LRRC24: variants seen among roughly 807,000 people sequenced by gnomAD.
The protein encoded by LRRC24 is leucine rich repeat containing 24, also known as leucine-rich repeat-containing protein 24.
A neutral mutation model predicts 15.3 loss-of-function variants in LRRC24; 19 were observed. The ratio of observed to expected loss-of-function variants is 1.25; its 90% CI spans 0.87 to 1.83. LRRC24 has a LOEUF of 1.83. Ranked by LOEUF, LRRC24 falls within the 40% of genes most tolerant of loss-of-function variation. The pLI is 0.00. For synonymous variants in LRRC24, 469 were observed against 359.6 expected, an observed-to-expected ratio of 1.30 and a Z score of -3.44; for missense variants, 914 against 723.9, an observed-to-expected ratio of 1.26 and a Z score of -3.01.
rs764602638 is a variant in LRRC24 at position 144,522,689 on chromosome 8, G to A, written c.1328C>T (p.Ala443Val). Residue 443 changes from alanine to valine, a missense_variant, in exon 5 of 5, where the codon GCG becomes GTG. Physicochemically the swap from Ala to Val is moderately conservative, Grantham distance 64. Coordinates refer to ENST00000529415, the MANE Select transcript of LRRC24 (RefSeq NM_001024678.4). ...GTCCAAGTAGTCGTTGACGAACAGCGCTCCCTCCCCCGGAGGCCCCCGCGC... is the reference window on the plus strand; with the variant it reads ...GTCCAAGTAGTCGTTGACGAACAGCACTCCCTCCCCCGGAGGCCCCCGCGC... ...KKARGPPGEGALFVNDYLDGP... is the reference protein window; with the variant it reads ...KKARGPPGEGVLFVNDYLDGP... 101 of 1,596,230 alleles carry A rather than the reference G, an allele frequency of 6.3e-5. No individual in the cohort carries two copies. Among genetic ancestry groups the A allele is most frequent in the Non-Finnish European group, 8.3e-5 (97 of 1,172,666 alleles).
rs754663390 is a variant in LRRC24, at chr8:144,523,199, A to G, written c.818T>C (p.Leu273Pro). The change falls in exon 5 of 5, where the codon CTG (leucine) becomes CCG (proline). Residue 273 changes from leucine (L) to proline (P), a missense_variant. Physicochemically the swap from Leu to Pro is moderately conservative, Grantham distance 98 (BLOSUM62 -3). Transcript: ENST00000529415. ...GCAGGCAACCCGCAGGTCCTCACCC[A>G]GGTTGGCTGTGAGCTCCAGCGGCTG... ...HVQPLELTAN[L>P]GEDLRVACQA... 3 of 1,609,654 alleles carry G rather than the reference A, an allele frequency of 1.9e-6. No individual in the cohort carries two copies. The highest frequency in any genetic ancestry group is 2.5e-6 in the Non-Finnish European group (3 of 1,178,650).
chr8:144,522,892 C>A lies in LRRC24; in HGVS notation c.1125G>T (p.Pro375=). ...CGGCGGGGCGGGCGGCCGGAGGCGG[C>A]GGTTGCGCGGGCTGCTGCGGCTGCT... ...SRQQPQQPAQ[P]PPPAARPAGS... Residue 375 remains proline (P), a synonymous_variant, in exon 5 of 5, where the codon CCG becomes CCT. Coordinates refer to ENST00000529415, the MANE Select transcript of LRRC24 (RefSeq NM_001024678.4). The A allele has an allele frequency of 1.6e-6, 2 of 1,284,582 alleles. No individual in the cohort carries two copies. The highest frequency in any genetic ancestry group is 2.0e-6 in the Non-Finnish European group (2 of 1,022,692). The allele number at this position is 1,284,582 out of a possible 1,614,324, so 79.6% of individuals were successfully genotyped here.
chr8:144,522,557 G>C lies in LRRC24; in HGVS notation c.1460C>G (p.Ala487Gly). Residue 487 changes from alanine to glycine, a missense_variant, in exon 5 of 5, where the codon GCG (alanine) becomes GGG (glycine). Ala to Gly is a moderately conservative substitution (Grantham distance 60, BLOSUM62 0). Transcript: ENST00000529415. ...KPLFAEGPAE[A>G]PADCGPEQGA... Reference sequence around the variant, plus strand: ...CTGTTCCGGGCCGCAGTCAGCGGGCGCCTCCGCCGGACCCTCGGCGAAGAG... The same window carrying C: ...CTGTTCCGGGCCGCAGTCAGCGGGCCCCTCCGCCGGACCCTCGGCGAAGAG... 1.6e-5 allele frequency: 24 copies of C among 1,538,904 alleles called. No individual in the cohort carries two copies. The highest frequency in any genetic ancestry group is 1.8e-5 in the Non-Finnish European group (21 of 1,145,452).
At chr8:144,526,165 A>G (rs1378802400) in intron 1 of LRRC24, 1 of 152,244 alleles carries the variant, frequency 6.6e-6, no homozygotes, top group Non-Finnish European at 1.5e-5. Context: ...CTTGGTGTTT[A>G]AATCTTGCCC....
chr8:144,524,794 C>CG, intron 2 of LRRC24, 22 bp downstream of exon 2: 1 of 1,439,916 alleles, frequency 6.9e-7, no homozygotes, highest in Non-Finnish European at 9.1e-7. Flanking sequence ...CCCGTCCTCC[C>CG]GCAGCTCCAC....
At chr8:144,524,375 A>G (rs1214722481) in intron 3 of LRRC24, 66 bp downstream of exon 3, 11 of 1,594,042 alleles carry the variant, frequency 6.9e-6, no homozygotes, top group African/African-American at 2.7e-5. Context: ...TTTTCTAACT[A>G]TTCCAGCCCT....
Position 144,522,744 on chromosome 8 carries a change from T to A in LRRC24, c.1273A>T (p.Ile425Phe), listed in dbSNP as rs1816165659. ...ALTALLLVAM[I>F]CRRRRRRKKA... ...TTTCGCCTGCGGCGCCGGCGACAGA[T>A]CATGGCGACCAGGAGCAGCGCCGTG... Residue 425 changes from isoleucine (I) to phenylalanine (F), a missense_variant, in exon 5 of 5, where the codon ATC (isoleucine) becomes TTC (phenylalanine). Coordinates refer to ENST00000529415, the MANE Select transcript of LRRC24 (RefSeq NM_001024678.4). The A allele has an allele frequency of 6.3e-7, 1 of 1,588,212 alleles. No individual in the cohort carries two copies. The highest frequency in any genetic ancestry group is 1.4e-5 in the African/African-American group (1 of 73,404).
In LRRC24 at chr8:144,524,552, C is replaced by T. The variant is rs1422584360; in HGVS notation, c.327G>A (p.Arg109=). Residue 109 remains arginine, a synonymous_variant, in exon 3 of 5, where the codon CGG becomes CGA. Coordinates refer to ENST00000529415, the MANE Select transcript of LRRC24 (RefSeq NM_001024678.4). ...AGGCGCCGCTGCGCAAGCCGCGCAG[C>T]CGGTTGCTAGTGAGCGCCAGCTCCA... ...RLLELALTSN[R]LRGLRSGAFV... 2 of 1,578,360 alleles carry T rather than the reference C, an allele frequency of 1.3e-6. No homozygotes were observed. The highest frequency in any genetic ancestry group is 2.2e-5 in the South Asian group (2 of 89,058).
Position 144,522,496 on chromosome 8 carries a change from GAC to G in LRRC24, c.1519_1520del (p.Val507ArgfsTer14). The G allele has an allele frequency of 6.7e-7, 1 of 1,495,848 alleles. No individual in the cohort carries two copies. The allele number at this position is 1,495,848 out of a possible 1,614,324, so 92.7% of individuals were successfully genotyped here. A position where few individuals can be genotyped will look rare whatever the true frequency, so the allele number is the denominator to read the frequency against. On this transcript the variant is annotated frameshift_variant, in exon 5 of 5. Transcript: ENST00000529415. LOFTEE classifies it high-confidence loss of function. ...GGCCCTAGCAGTGGATCTCGTAGGC[GAC>G]CGGCGGGGGCACGCGGAGTCCCGGC... ...AGPGLRVPPPVAYEIHC is the reference protein window; with the variant it reads ...AGPGLRVPPPXAYEIHC
In LRRC24 at chr8:144,522,706, C is replaced by T. The variant is rs771142950; in HGVS notation, c.1311G>A (p.Gly437=). The T allele has an allele frequency of 4.4e-6, 7 of 1,596,572 alleles. No homozygotes were observed. Among genetic ancestry groups the T allele is most frequent in the East Asian group, 2.3e-5 (1 of 43,606 alleles). The change falls in exon 5 of 5, where the codon GGG becomes GGA. Residue 437 remains glycine, a synonymous_variant. Coordinates refer to ENST00000529415, the MANE Select transcript of LRRC24 (RefSeq NM_001024678.4). ...RRRRRRKKAR[G]PPGEGALFVN... is the part of the protein sequence containing the mutation. ...CGAACAGCGCTCCCTCCCCCGGAGG[C>T]CCCCGCGCCTTTTTTCGCCTGCGGC...
At position 144,522,757 on chromosome 8, in the gene LRRC24, G is replaced by A; in HGVS notation, c.1260C>T (p.Leu420=). Residue 420 remains leucine, a synonymous_variant, in exon 5 of 5, where the codon CTC becomes CTT. Transcript: ENST00000529415. The part of the protein sequence containing the change: ...AIALLALTAL[L]LVAMICRRRR... The stretch of plus-strand genomic sequence containing the variant: ...GCCGGCGACAGATCATGGCGACCAG[G>A]AGCAGCGCCGTGAGCGCCAGCAGCG... 3.2e-6 allele frequency: 5 copies of A among 1,579,520 alleles called. No homozygotes were observed. Among genetic ancestry groups the A allele is most frequent in the Non-Finnish European group, 4.3e-6 (5 of 1,165,478 alleles).
At chr8:144,526,352 TAA>T (rs1816359367) in intron 1 of LRRC24, 1 of 152,204 alleles carries the variant, frequency 6.6e-6, no homozygotes, top group Non-Finnish European at 1.5e-5. Flanking sequence ...CCCCTGGGTA[TAA>T]AGTGTTGGTA....
chr8:144,524,518 G>T lies in LRRC24; in HGVS notation c.361C>A (p.Leu121Met). ...AGGTAGAGCACGCGCAGCTGGGCCAGGCCTACGAAGGCGCCGCTGCGCAAG... is the reference window on the plus strand; with the variant it reads ...AGGTAGAGCACGCGCAGCTGGGCCATGCCTACGAAGGCGCCGCTGCGCAAG... The part of the protein sequence containing the change: ...RGLRSGAFVG[L>M]AQLRVLYLAG... The change falls in exon 3 of 5, where the codon CTG becomes ATG. Residue 121 changes from leucine (L) to methionine (M), a missense_variant. Leu to Met is a conservative substitution (Grantham distance 15). Coordinates refer to ENST00000529415, the MANE Select transcript of LRRC24 (RefSeq NM_001024678.4). 1 of 1,593,134 alleles carries T rather than the reference G, an allele frequency of 6.3e-7. No homozygotes were observed. Among genetic ancestry groups the T allele is most frequent in the South Asian group, 1.1e-5 (1 of 90,498 alleles).
At chr8:144,523,773 C>T in intron 4 of LRRC24, 1 of 414,408 alleles carries the variant, frequency 2.4e-6, no homozygotes, top group Non-Finnish European at 4.3e-6. Flanking sequence ...TCAGCCTTGC[C>T]TTTGGATGCC....
At position 144,522,675 on chromosome 8, in the gene LRRC24, C is replaced by A; in HGVS notation, c.1342G>T (p.Asp448Tyr). ...PPGEGALFVN[D>Y]YLDGPCTFAQ... The stretch of plus-strand genomic sequence containing the variant: ...AACGTACAGGGGCCGTCCAAGTAGT[C>A]GTTGACGAACAGCGCTCCCTCCCCC... Residue 448 changes from aspartate to tyrosine, a missense_variant, in exon 5 of 5, where the codon GAC becomes TAC. By Grantham distance (160) the Asp-to-Tyr change is radical (BLOSUM62 -3). Transcript: ENST00000529415. 6.3e-7 allele frequency: 1 copy of A among 1,596,304 alleles called. No individual in the cohort carries two copies. Among genetic ancestry groups the A allele is most frequent in the Non-Finnish European group, 8.5e-7 (1 of 1,172,686 alleles).
rs906030633 is a variant in LRRC24 at position 144,522,867 on chromosome 8, C to T, written c.1150G>A (p.Gly384Ser). The T allele has an allele frequency of 9.5e-6, 12 of 1,267,128 alleles. No individual in the cohort carries two copies. Among genetic ancestry groups the T allele is most frequent in the Admixed American group, 8.5e-5 (2 of 23,582 alleles). 78.5% of individuals were successfully genotyped at this position (1,267,128 alleles called of 1,614,324 possible). The change falls in exon 5 of 5, where the codon GGC (glycine) becomes AGC (serine). Residue 384 changes from glycine (G) to serine (S), a missense_variant. Transcript: ENST00000529415. ...QPPPPAARPA[G>S]SEPRPEAGSM... is the part of the protein sequence containing the mutation. ...CCCGCCTCGGGCCGGGGCTCGCTGC[C>T]GGCGGGGCGGGCGGCCGGAGGCGGC...
At position 144,522,649 on chromosome 8, in the gene LRRC24, G is replaced by C; in HGVS notation, c.1368C>G (p.Phe456Leu). 6.3e-7 allele frequency: 1 copy of C among 1,586,622 alleles called. No individual in the cohort carries two copies. Among genetic ancestry groups the C allele is most frequent in the Non-Finnish European group, 8.6e-7 (1 of 1,168,532 alleles). The change falls in exon 5 of 5, where the codon TTC becomes TTG. Residue 456 changes from phenylalanine (F) to leucine (L), a missense_variant. Transcript: ENST00000529415. ...CGTCGCGGAGCTCCTCTAGCTGTGC[G>C]AACGTACAGGGGCCGTCCAAGTAGT... is the stretch of plus-strand genomic sequence containing the variant. Reference protein sequence around the residue: ...VNDYLDGPCTFAQLEELRDER... With the variant: ...VNDYLDGPCTLAQLEELRDER...
chr8:144,524,759 G>A, intron 2 of LRRC24, 40 bp from the exon 3 acceptor site: 8 of 1,434,324 alleles, frequency 5.6e-6, no homozygotes, highest in Non-Finnish European at 7.3e-6. Flanking sequence ...CCCCGTTGCG[G>A]GGGTCTTCCT....
At chr8:144,526,482 T>C (rs1383223272) in intron 1 of LRRC24, 1 of 152,188 alleles carries the variant, frequency 6.6e-6, no homozygotes, top group African/African-American at 2.4e-5. Context: ...TAGATGCAGA[T>C]CGGTGTAGAA....
Sources: gnomAD v4.1 joint callset for allele counts on GRCh38, gnomAD v4.1.1 for gene constraint, MANE v1.5 for transcripts, NCBI Gene and HGNC (gene_info 2026-07-23, HGNC 2026-07-21) for gene names.